LPP: variants seen among roughly 807,000 people sequenced by gnomAD.
LPP encodes the protein LIM domain containing preferred translocation partner in lipoma.
Under a neutral mutation model 60.4 loss-of-function variants are expected in LPP, and 38 were observed. The observed-to-expected ratio is 0.63, with a 90% confidence interval of 0.49 to 0.83. The LOEUF is 0.83. Ranked by LOEUF, LPP falls within the 40% of genes least tolerant of loss-of-function variation. The probability of loss-of-function intolerance (pLI) is 0.00; values close to 1 mark genes in which losing one functional copy is unlikely to be tolerated. For synonymous variants in LPP, 328 were observed against 290.8 expected, an observed-to-expected ratio of 1.13 and a Z score of -1.30; for missense variants, 902 against 783.6, an observed-to-expected ratio of 1.15 and a Z score of -1.80.
chr3:188,215,728 A>G (rs933719810), intron 1 of LPP, among the ~76,000 whole-genome samples: 13 of 152,220 alleles, frequency 8.5e-5, no homozygotes, highest in Non-Finnish European at 1.8e-4. Context: ...GAGACTTCAA[A>G]GGGTTAATTA....
chr3:188,296,429 G>A (rs1747904232), intron 2 of LPP, among the ~76,000 whole-genome samples: 1 of 152,184 alleles, frequency 6.6e-6, no homozygotes, highest in Non-Finnish European at 1.5e-5. Flanking sequence ...TGACTGAAGA[G>A]TGTGAGCAAA....
intron 2 of LPP, among the ~76,000 whole-genome samples, chr3:188,258,085 G>A (rs909726969): frequency 5.9e-5 from 9 of 152,216 alleles, no homozygotes; most frequent in Non-Finnish European, 1.2e-4. Flanking sequence ...TCTGCTGACA[G>A]GCCCACGGGG....
rs1280769439 is a variant in LPP, at chr3:188,883,455, G to A, written c.*8976G>A. On this transcript the variant is annotated 3_prime_UTR_variant, in exon 12 of 12. Transcript: ENST00000617246. ...CCTTAAAAATGTTAGGAAATGGGCC[G>A]GGCGCGGTGGCTCGTGCCTGTAATC... 7 of 179,274 alleles carry A rather than the reference G, an allele frequency of 3.9e-5. No homozygotes were observed. Among genetic ancestry groups the A allele is most frequent in the Admixed American group, 6.8e-5 (1 of 14,632 alleles). 11.1% of individuals were successfully genotyped at this position (179,274 alleles called of 1,614,324 possible).
At chr3:188,738,892 A>G (rs1340748222) in intron 8 of LPP, among the ~76,000 whole-genome samples, 2 of 152,114 alleles carry the variant, frequency 1.3e-5, no homozygotes, top group South Asian at 2.1e-4. Flanking sequence ...ATGACTCGCT[A>G]TCTGATTGGT....
At chr3:188,536,002 A>ATTTTTTTTTTTT (rs11293389) in intron 6 of LPP, among the ~76,000 whole-genome samples, 1 of 121,762 alleles carries the variant, frequency 8.2e-6, no homozygotes. Flanking sequence ...TATTACATGA[A>ATTTTTTTTTTTT]TTTTTTTTTT....
intron 9 of LPP, among the ~76,000 whole-genome samples, chr3:188,792,180 C>T (rs763698376): frequency 2.6e-5 from 4 of 152,116 alleles, no homozygotes; most frequent in African/African-American, 4.8e-5. Context: ...GGACAGGATA[C>T]GAGTTAACAA....
At chr3:188,469,741 G>T (rs958774593) in intron 4 of LPP, among the ~76,000 whole-genome samples, 6 of 151,984 alleles carry the variant, frequency 3.9e-5, no homozygotes, top group Non-Finnish European at 5.9e-5. Context: ...TGGAGCCCTG[G>T]TGTGCTAAGA....
At chr3:188,672,441 TTTG>T (rs1383027901) in intron 7 of LPP, among the ~76,000 whole-genome samples, 8 of 152,200 alleles carry the variant, frequency 5.3e-5, no homozygotes, top group Non-Finnish European at 1.0e-4. Flanking sequence ...TTCTTATTAA[TTTG>T]TTGTTGTCGT....
intron 9 of LPP, among the ~76,000 whole-genome samples, chr3:188,807,382 G>A (rs1749488476): frequency 6.6e-6 from 1 of 151,660 alleles, no homozygotes; most frequent in Non-Finnish European, 1.5e-5. Context: ...TTAATTTCTT[G>A]GCTCTTCTAT....
intron 2 of LPP, among the ~76,000 whole-genome samples, chr3:188,241,314 C>T (rs1724711751): frequency 6.6e-6 from 1 of 152,210 alleles, no homozygotes; most frequent in African/African-American, 2.4e-5. Flanking sequence ...GGTATAAACG[C>T]CTGTCCGCTG....
intron 2 of LPP, among the ~76,000 whole-genome samples, chr3:188,260,040 TTTTATTTA>T (rs764548132): frequency 6.6e-6 from 1 of 151,948 alleles, no homozygotes; most frequent in Non-Finnish European, 1.5e-5. Context: ...ATTATTCTTA[TTTTATTTA>T]TTTATTTATT....
At chr3:188,588,666 G>A (rs752872525) in intron 6 of LPP, among the ~76,000 whole-genome samples, 9 of 152,306 alleles carry the variant, frequency 5.9e-5, no homozygotes, top group Middle Eastern at 6.8e-3. Flanking sequence ...TTTAAATAAG[G>A]ACTAGTAGAT....
intron 9 of LPP, among the ~76,000 whole-genome samples, chr3:188,824,692 G>A (rs1472202221): frequency 1.3e-5 from 2 of 152,116 alleles, no homozygotes; most frequent in Non-Finnish European, 2.9e-5. Context: ...TGTGCTGAAT[G>A]GTATGTCAGC....
chr3:188,474,523 C>T (rs1475683004), intron 4 of LPP, among the ~76,000 whole-genome samples: 2 of 149,878 alleles, frequency 1.3e-5, no homozygotes, highest in African/African-American at 4.9e-5. Flanking sequence ...CAGGCACCAT[C>T]ATTGTCTTTG....
intron 7 of LPP, among the ~76,000 whole-genome samples, chr3:188,692,602 A>G (rs1341908527): frequency 6.6e-6 from 1 of 152,116 alleles, no homozygotes; most frequent in Non-Finnish European, 1.5e-5. Flanking sequence ...TCATTAAAAC[A>G]TTTTACTTCG....
At chr3:188,799,606 C>G (rs1019276797) in intron 9 of LPP, among the ~76,000 whole-genome samples, 1 of 152,070 alleles carries the variant, frequency 6.6e-6, no homozygotes, top group African/African-American at 2.4e-5. Context: ...AGAAGTATGT[C>G]ATGTTTTCTG....
At chr3:188,526,399 A>G (rs962259681) in intron 6 of LPP, among the ~76,000 whole-genome samples, 2 of 151,990 alleles carry the variant, frequency 1.3e-5, no homozygotes, top group East Asian at 1.9e-4. Context: ...AGTTCAAGCA[A>G]TTCTGCCTCA....
intron 9 of LPP, among the ~76,000 whole-genome samples, chr3:188,835,719 C>T (rs1444451339): frequency 6.6e-6 from 1 of 152,156 alleles, no homozygotes; most frequent in Non-Finnish European, 1.5e-5. Flanking sequence ...AAGAAAGGAA[C>T]GCCCCTACGA....
At chr3:188,428,593 T>C (rs1790082027) in intron 4 of LPP, among the ~76,000 whole-genome samples, 1 of 64,304 alleles carries the variant, frequency 1.6e-5, no homozygotes, top group Non-Finnish European at 3.1e-5. Context: ...TATATATATA[T>C]ATATTTTTTT....
Sources: allele counts gnomAD v4.1 joint callset (sites outside exome capture counted in the v4.1 genomes callset), GRCh38; gene constraint gnomAD v4.1.1; transcripts MANE v1.5; gene names NCBI Gene and HGNC (gene_info 2026-07-23, HGNC 2026-07-21).